Variants in SMAD9 observed in about 807,000 individuals in gnomAD.
SMAD9 encodes SMAD family member 9.
SMAD9 carries 36 observed loss-of-function variants against 46.1 expected under a neutral mutation model. That is an observed-to-expected ratio of 0.78 (90% CI 0.60 to 1.03). SMAD9 has a LOEUF of 1.03. SMAD9 is among the 50% of genes least tolerant of loss of function. SMAD9 has a pLI of 0.00. For synonymous variants in SMAD9, 245 were observed against 237.1 expected (o/e 1.03, Z -0.31); for missense variants, 572 against 599.8 (o/e 0.95, Z 0.48).
intron 6 of SMAD9, chr13:36,851,798 T>G: frequency 2.0e-6 from 2 of 978,544 alleles, no homozygotes; most frequent in Non-Finnish European, 2.4e-6. Context: ...TTAGGAACAG[T>G]TTGTCTTCTG....
chr13:36,912,739 G>C (rs140265243), intron 1 of SMAD9, among the ~76,000 whole-genome samples: 1 of 152,310 alleles, frequency 6.6e-6, no homozygotes, highest in African/African-American at 2.4e-5. Flanking sequence ...CTTACTGAAA[G>C]AATCTCTTCC....
intron 6 of SMAD9, chr13:36,852,589 C>T: frequency 1.0e-6 from 1 of 983,460 alleles, no homozygotes; most frequent in Non-Finnish European, 1.2e-6. Flanking sequence ...CTGAATTAAT[C>T]ACACCCGTTT....
At chr13:36,864,546 AT>A (rs2058213513) in intron 5 of SMAD9, among the ~76,000 whole-genome samples, 1 of 152,026 alleles carries the variant, frequency 6.6e-6, no homozygotes, top group South Asian at 2.1e-4. Context: ...TTCATTTATC[AT>A]TTCACTGCAA....
intron 1 of SMAD9, among the ~76,000 whole-genome samples, chr13:36,908,590 C>T (rs2058636171): frequency 6.6e-6 from 1 of 152,082 alleles, no homozygotes; most frequent in Non-Finnish European, 1.5e-5. Flanking sequence ...ATTTACCTTA[C>T]AATACACAAC....
intron 1 of SMAD9, among the ~76,000 whole-genome samples, chr13:36,894,427 G>C (rs1210121261): frequency 6.6e-6 from 1 of 152,144 alleles, no homozygotes; most frequent in African/African-American, 2.4e-5. Flanking sequence ...CAGCCATGCA[G>C]AACTACGAGT....
intron 1 of SMAD9, among the ~76,000 whole-genome samples, chr13:36,907,105 A>C (rs1771434412): frequency 6.6e-6 from 1 of 152,232 alleles, no homozygotes. Flanking sequence ...AACCTTCAAA[A>C]GATTATGCTG....
chr13:36,888,007 C>T (rs772065530), intron 1 of SMAD9, among the ~76,000 whole-genome samples: 1 of 152,170 alleles, frequency 6.6e-6, no homozygotes, highest in African/African-American at 2.4e-5. Flanking sequence ...AACAGGGGCC[C>T]GTCTGCCAGA....
At chr13:36,901,298 T>C (rs2058573771) in intron 1 of SMAD9, among the ~76,000 whole-genome samples, 1 of 152,200 alleles carries the variant, frequency 6.6e-6, no homozygotes, top group African/African-American at 2.4e-5. Context: ...ATCAGAAACG[T>C]ATGAAAATTC....
intron 2 of SMAD9, among the ~76,000 whole-genome samples, chr13:36,876,718 G>T (rs946624687): frequency 4.5e-4 from 68 of 151,956 alleles, no homozygotes; most frequent in Admixed American, 7.9e-4. Flanking sequence ...AAAGAAAATG[G>T]GAATGCAGCC....
intron 3 of SMAD9, among the ~76,000 whole-genome samples, chr13:36,869,655 C>A (rs1461457388): frequency 6.6e-6 from 1 of 151,932 alleles, no homozygotes; most frequent in Non-Finnish European, 1.5e-5. Context: ...ATGGTGAAAC[C>A]CCGTCTCTAC....
intron 1 of SMAD9, among the ~76,000 whole-genome samples, chr13:36,905,971 G>A (rs908942414): frequency 2.6e-5 from 4 of 151,994 alleles, no homozygotes; most frequent in African/African-American, 9.7e-5. Flanking sequence ...GCGCCTGGAC[G>A]AAAATTCTTA....
rs190042904 is a variant in SMAD9 at position 36,863,832 on chromosome 13, T to A, written c.1003+1705A>T. On this transcript the variant is annotated intron_variant, in intron 5 of 6. Transcript: ENST00000379826. ...CATGCCAGTACAGCCTGCAGACCCA[T>A]GGGCCAAATAAACCTCTTTTTTTAA... Among the ~76,000 whole-genome samples, 36 of 152,260 alleles carry A rather than the reference T, an allele frequency of 2.4e-4. No individual in the cohort carries two copies. The East Asian group carries it at 2.7e-3, about 11-fold the overall frequency.
chr13:36,862,382 C>T (rs2058190915), intron 5 of SMAD9, among the ~76,000 whole-genome samples: 1 of 152,154 alleles, frequency 6.6e-6, no homozygotes, highest in Non-Finnish European at 1.5e-5. Flanking sequence ...ATTAAAGTGA[C>T]CTCTAGTCAT....
At position 36,846,745 on chromosome 13, in the gene SMAD9, T is replaced by C. The variant is rs980091027; in HGVS notation, c.*1931A>G. 1.3e-5 allele frequency: 2 copies of C among 152,208 alleles called. No individual in the cohort carries two copies. The highest frequency in any genetic ancestry group is 4.8e-5 in the African/African-American group (2 of 41,456). 9.4% of individuals were successfully genotyped at this position (152,208 alleles called of 1,614,324 possible). On this transcript the variant is annotated 3_prime_UTR_variant, in exon 7 of 7. Transcript: ENST00000379826. The stretch of plus-strand genomic sequence containing the variant: ...TATACAAGGAATCCATTACCTGACT[T>C]TGCAGAAGAGTAAGGAAATAATTTC...
intron 1 of SMAD9, among the ~76,000 whole-genome samples, chr13:36,913,745 CCTATT>C (rs2058678372): frequency 6.6e-6 from 1 of 152,130 alleles, no homozygotes; most frequent in Non-Finnish European, 1.5e-5. Flanking sequence ...TTATTCAACT[CCTATT>C]CCTAAAAATA....
intron 1 of SMAD9, among the ~76,000 whole-genome samples, chr13:36,914,404 A>C (rs573585790): frequency 6.6e-6 from 1 of 152,256 alleles, no homozygotes; most frequent in South Asian, 2.1e-4. Context: ...CTGTAGTCCC[A>C]GCTACTTGGG....
In SMAD9 at chr13:36,850,757, C is replaced by T. The variant is rs115975816; in HGVS notation, c.1261-1938G>A. Among the ~76,000 whole-genome samples the T allele has an allele frequency of 4.4e-3, 672 of 152,220 alleles. 7 individuals carry two copies. The highest frequency in any genetic ancestry group is 0.015 in the African/African-American group (635 of 41,526). Reference sequence around the variant, plus strand: ...AATACGGTCCCTTTGCAGACAATTCCCAAATTTGTATTTCAAGCCCAAACC... The same window carrying T: ...AATACGGTCCCTTTGCAGACAATTCTCAAATTTGTATTTCAAGCCCAAACC... On this transcript the variant is annotated intron_variant, in intron 6 of 6. Coordinates refer to ENST00000379826, the MANE Select transcript of SMAD9 (RefSeq NM_001127217.3).
In SMAD9 at chr13:36,853,481, G is replaced by GT. The variant is rs781714418; in HGVS notation, c.1197_1198insA (p.His400ThrfsTer4). Reference sequence around the variant, plus strand: ...AGTTCATACACGACTTCAAAGCCGTGGTGAACTGACTGGGCCAGGAGCTGA... The same window carrying GT: ...AGTTCATACACGACTTCAAAGCCGTGTGTGAACTGACTGGGCCAGGAGCTGA... On this transcript the variant is annotated frameshift_variant, in exon 6 of 7. Coordinates refer to ENST00000379826, the MANE Select transcript of SMAD9 (RefSeq NM_001127217.3). LOFTEE classifies it high-confidence loss of function. The GT allele has an allele frequency of 9.9e-6, 16 of 1,614,036 alleles. No individual in the cohort carries two copies. The highest frequency in any genetic ancestry group is 8.9e-5 in the East Asian group (4 of 44,858).
chr13:36,885,867 A>G (rs1472776910), intron 1 of SMAD9, among the ~76,000 whole-genome samples: 2 of 152,032 alleles, frequency 1.3e-5, no homozygotes, highest in African/African-American at 4.8e-5. Context: ...AAACAACAAC[A>G]CTGAATTAGA....
Sources: gnomAD v4.1 joint callset for allele counts (sites outside exome capture counted in the v4.1 genomes callset) on GRCh38, gnomAD v4.1.1 for gene constraint, MANE v1.5 for transcripts, NCBI Gene and HGNC (gene_info 2026-07-23, HGNC 2026-07-21) for gene names.